ETS1: variants seen among roughly 807,000 people sequenced by gnomAD.
The protein encoded by ETS1 is protein C-ets-1.
A neutral mutation model predicts 58.6 loss-of-function variants in ETS1; 15 were observed. The observed-to-expected ratio is 0.26, with a 90% CI of 0.17 to 0.39. The LOEUF (loss-of-function observed/expected upper bound fraction) is 0.39, where lower values mean the gene tolerates loss of function less well. ETS1 is among the 10% of genes least tolerant of loss of function. The probability of loss-of-function intolerance (pLI) is 1.00; values close to 1 mark genes in which losing one functional copy is unlikely to be tolerated. For synonymous variants in ETS1, 214 were observed against 218.2 expected (o/e 0.98, Z 0.17); for missense variants, 417 against 610.5 (o/e 0.68, Z 3.34).
chr11:128,482,510 T>C (rs945234830), intron 7 of ETS1, among the ~76,000 whole-genome samples: 2 of 151,670 alleles, frequency 1.3e-5, no homozygotes. Flanking sequence ...GATAGTAGAG[T>C]TTCCAAGGAG....
chr11:128,483,538 G>T (rs1296299945), intron 7 of ETS1, among the ~76,000 whole-genome samples: 1 of 152,172 alleles, frequency 6.6e-6, no homozygotes, highest in Non-Finnish European at 1.5e-5. Flanking sequence ...ATAAAAAAGA[G>T]CCAGAAAGGG....
chr11:128,552,501 C>G (rs988083866), intron 3 of ETS1, among the ~76,000 whole-genome samples: 4 of 152,178 alleles, frequency 2.6e-5, no homozygotes, highest in African/African-American at 7.2e-5. Flanking sequence ...CAGCTCTAAG[C>G]AAGTATTTTG....
intron 3 of ETS1, among the ~76,000 whole-genome samples, chr11:128,544,363 A>ATATATATATATATATATATG (rs1430352127): frequency 6.8e-6 from 1 of 146,476 alleles, no homozygotes; most frequent in African/African-American, 2.5e-5. Flanking sequence ...ATATATATAT[A>ATATATATATATATATATATG]TATATGGAAT....
At chr11:128,573,530 G>A (rs902307356) in intron 1 of ETS1, among the ~76,000 whole-genome samples, 1 of 152,118 alleles carries the variant, frequency 6.6e-6, no homozygotes, top group Non-Finnish European at 1.5e-5. Context: ...ATACACAGTT[G>A]GGGTGTAAAT....
intron 1 of ETS1, 88 bp from the exon 2 acceptor site, chr11:128,573,232 A>T: frequency 1.1e-6 from 1 of 948,768 alleles, no homozygotes; most frequent in Non-Finnish European, 1.6e-6. Flanking sequence ...CCTTAGAACT[A>T]AAAGTCTCCT....
chr11:128,522,198 C>A, intron 3 of ETS1: 1 of 1,235,478 alleles, frequency 8.1e-7, no homozygotes, highest in East Asian at 3.5e-5. Flanking sequence ...CACTTTGCGG[C>A]GAAGTGAGCG....
chr11:128,505,989 G>C (rs1163574750), intron 3 of ETS1, among the ~76,000 whole-genome samples: 1 of 152,340 alleles, frequency 6.6e-6, no homozygotes, highest in Non-Finnish European at 1.5e-5. Context: ...CCCTGGGCTT[G>C]AGTGGTGAGG....
At chr11:128,527,468 G>C (rs1479587215) in intron 3 of ETS1, 1 of 156,232 alleles carries the variant, frequency 6.4e-6, no homozygotes, top group Non-Finnish European at 1.4e-5. Flanking sequence ...TCCACACTCA[G>C]TGTTGTGTGC....
At chr11:128,472,065 A>G (rs549567086) in intron 8 of ETS1, among the ~76,000 whole-genome samples, 136 of 152,358 alleles carry the variant, frequency 8.9e-4, no homozygotes, top group African/African-American at 3.1e-3. Context: ...TGTGTTGAAT[A>G]GCAAAACACA....
Position 128,464,860 on chromosome 11 carries a change from A to G in ETS1, c.1124-1233T>C, listed in dbSNP as rs1224904907. On this transcript the variant is annotated intron_variant, in intron 8 of 9. Transcript: ENST00000392668. The surrounding 1 kb of genome is among the most constrained non-coding windows in gnomAD (Gnocchi z 4.1). ...TCATATTTCTACAAGACATTTTCAC[A>G]TGCATCGTTGTGCTTGCTCCTAAAA... is the stretch of plus-strand genomic sequence containing the variant. 6.6e-6 allele frequency among the ~76,000 whole-genome samples: 1 copy of G among 152,228 alleles called. No individual in the cohort carries two copies. The highest frequency in any genetic ancestry group is 2.1e-4 in the South Asian group (1 of 4,838).
rs781263392 is a variant in ETS1 at position 128,490,446 on chromosome 11, C to T, written c.334+11G>A. On this transcript the variant is annotated intron_variant, in intron 4 of 9. Coordinates refer to ENST00000392668, the MANE Select transcript of ETS1 (RefSeq NM_001143820.2). The stretch of plus-strand genomic sequence containing the variant: ...ACCCCAACCACTCTTTTTCCAACTA[C>T]AAAACCATACCTTTTGGGATCCCCA... 8 of 1,613,650 alleles carry T rather than the reference C, an allele frequency of 5.0e-6. No homozygotes were observed. The African/African-American group carries it at 6.7e-5, about 13-fold the overall frequency.
intron 3 of ETS1, among the ~76,000 whole-genome samples, chr11:128,548,978 G>A (rs1392599000): frequency 5.9e-5 from 9 of 151,766 alleles, no homozygotes; most frequent in African/African-American, 1.9e-4. Context: ...TTGTGTGCTC[G>A]TGTATTTTGG....
At position 128,573,136 on chromosome 11, in the gene ETS1, T is replaced by G; in HGVS notation, c.-6A>C. The G allele has an allele frequency of 1.3e-6, 2 of 1,579,438 alleles. No individual in the cohort carries two copies. Among genetic ancestry groups the G allele is most frequent in the Non-Finnish European group, 1.7e-6 (2 of 1,162,222 alleles). ...GAATCCACAAAGTAGCTCATTCTGC[T>G]CTCAGCACCTGTGTGAGAGAAGGCG... On this transcript the variant is annotated 5_prime_UTR_variant, in exon 2 of 10. Coordinates refer to ENST00000392668, the MANE Select transcript of ETS1 (RefSeq NM_001143820.2).
At chr11:128,556,637 T>C (rs1054440829) in intron 2 of ETS1, among the ~76,000 whole-genome samples, 1 of 152,226 alleles carries the variant, frequency 6.6e-6, no homozygotes, top group African/African-American at 2.4e-5. Flanking sequence ...TGACTCAGAC[T>C]ATGTATGAAT....
intron 3 of ETS1, among the ~76,000 whole-genome samples, chr11:128,521,698 AC>A (rs1164727939): frequency 1.3e-5 from 2 of 150,862 alleles, no homozygotes; most frequent in Non-Finnish European, 3.0e-5. Flanking sequence ...AATAAATACC[AC>A]CCCCCAAACC....
chr11:128,486,239 C>T (rs1862629538), intron 5 of ETS1, 93 bp from the exon 6 acceptor site: 4 of 761,954 alleles, frequency 5.2e-6, no homozygotes, highest in Admixed American at 2.1e-5. Context: ...ACAATGATCT[C>T]AACCCCTTTT....
At chr11:128,550,146 G>A (rs1211291541) in intron 3 of ETS1, among the ~76,000 whole-genome samples, 2 of 152,350 alleles carry the variant, frequency 1.3e-5, no homozygotes, top group Admixed American at 6.5e-5. Context: ...AGCCAAGGCC[G>A]AAGGCCTGTA....
chr11:128,561,937 T>A (rs974069387), intron 2 of ETS1, among the ~76,000 whole-genome samples: 10 of 151,910 alleles, frequency 6.6e-5, no homozygotes, highest in African/African-American at 1.7e-4. Flanking sequence ...AGGGAAAGAA[T>A]TGAAAGTGGA....
At position 128,480,061 on chromosome 11, in the gene ETS1, A is replaced by G; in HGVS notation, c.1123+130T>C. On this transcript the variant is annotated intron_variant, in intron 8 of 9. Coordinates refer to ENST00000392668, the MANE Select transcript of ETS1 (RefSeq NM_001143820.2). ...GAGAGAGACTAAAGAATTCTTAGAGAGACTTCTCCCCCGTGCCCTGCAAAA... is the reference window on the plus strand; with the variant it reads ...GAGAGAGACTAAAGAATTCTTAGAGGGACTTCTCCCCCGTGCCCTGCAAAA... The G allele has an allele frequency of 1.6e-6, 2 of 1,234,444 alleles. 1 individual carries two copies. The highest frequency in any genetic ancestry group is 3.1e-5 in the South Asian group (2 of 64,442). The allele number at this position is 1,234,444 out of a possible 1,614,324, so 76.5% of individuals were successfully genotyped here.
Sources: gnomAD v4.1 joint callset for allele counts (sites outside exome capture counted in the v4.1 genomes callset) on GRCh38, gnomAD v4.1.1 for gene constraint, Gnocchi (gnomAD v3.1) non-coding constraint, MANE v1.5 for transcripts, NCBI Gene and HGNC (gene_info 2026-07-23, HGNC 2026-07-21) for gene names.